The following CNTNAP2 variants were observed in gnomAD, a reference collection of about 807,000 sequenced individuals.
CNTNAP2 encodes the protein contactin associated protein 2.
A neutral mutation model predicts 155.2 loss-of-function variants in CNTNAP2; 98 were observed. That is an observed-to-expected ratio of 0.63 (90% CI 0.54 to 0.75). CNTNAP2 has a LOEUF of 0.75. CNTNAP2 is among the 30% of genes least tolerant of loss of function. The pLI is 0.00. For synonymous variants in CNTNAP2, 651 were observed against 631.2 expected (o/e 1.03, Z -0.47); for missense variants, 1,727 against 1,688.1 (o/e 1.02, Z -0.40).
At chr7:147,308,360 A>G (rs750553668) in intron 9 of CNTNAP2, among the ~76,000 whole-genome samples, 2 of 152,142 alleles carry the variant, frequency 1.3e-5, no homozygotes, top group Non-Finnish European at 2.9e-5. Flanking sequence ...TTTTGGTAAA[A>G]GGCTGTAGTT....
intron 1 of CNTNAP2, among the ~76,000 whole-genome samples, chr7:146,651,303 A>G (rs1022948148): frequency 6.6e-6 from 1 of 152,208 alleles, no homozygotes; most frequent in Admixed American, 6.5e-5. Flanking sequence ...GGAAAAACAT[A>G]GGATCATAAT....
chr7:146,999,787 C>A (rs145803782), intron 3 of CNTNAP2, among the ~76,000 whole-genome samples: 5 of 151,960 alleles, frequency 3.3e-5, no homozygotes, highest in African/African-American at 1.2e-4. Context: ...TTTGCTTCTT[C>A]GCTCCTGCTG....
Position 148,365,765 on chromosome 7 carries a change from C to T in CNTNAP2, c.3476-17884C>T, listed in dbSNP as rs1290703341. ...ATACATGTATACATGTATGTGTATA[C>T]GTGTATACATGTATGTGTATGCATG... On this transcript the variant is annotated intron_variant, in intron 21 of 23. Coordinates refer to ENST00000361727, the MANE Select transcript of CNTNAP2 (RefSeq NM_014141.6). Among the ~76,000 whole-genome samples, 16 of 94,678 alleles carry T rather than the reference C, an allele frequency of 1.7e-4. 6 individuals carry two copies. Among genetic ancestry groups the T allele is most frequent in the South Asian group, 5.5e-4 (2 of 3,646 alleles). 62.1% of individuals were successfully genotyped at this position (94,678 alleles called of 152,430 possible).
chr7:146,594,142 T>C (rs878992549), intron 1 of CNTNAP2, among the ~76,000 whole-genome samples: 1 of 152,214 alleles, frequency 6.6e-6, no homozygotes, highest in Non-Finnish European at 1.5e-5. Context: ...TTTTTGGCTG[T>C]AATTCCCCCT....
At chr7:147,842,046 A>G (rs1410697279) in intron 13 of CNTNAP2, among the ~76,000 whole-genome samples, 2 of 152,238 alleles carry the variant, frequency 1.3e-5, no homozygotes, top group Non-Finnish European at 2.9e-5. Context: ...ATTATCATTA[A>G]AAATAAATAC....
At chr7:148,130,517 T>C (rs1164421860) in intron 16 of CNTNAP2, among the ~76,000 whole-genome samples, 1 of 152,242 alleles carries the variant, frequency 6.6e-6, no homozygotes, top group African/African-American at 2.4e-5. Context: ...TCTACAGATC[T>C]GGTCCAGTTA....
intron 9 of CNTNAP2, among the ~76,000 whole-genome samples, chr7:147,324,117 A>G (rs1470418403): frequency 6.6e-6 from 1 of 152,182 alleles, no homozygotes; most frequent in Non-Finnish European, 1.5e-5. Flanking sequence ...TATCTTTGGA[A>G]TTAGGAAGCT....
intron 20 of CNTNAP2, among the ~76,000 whole-genome samples, chr7:148,257,228 G>C (rs1385416297): frequency 6.6e-6 from 1 of 152,102 alleles, no homozygotes; most frequent in African/African-American, 2.4e-5. Context: ...CTCCCAAAGA[G>C]GCAAAGGCTC....
chr7:146,166,335 T>C (rs1798312097), intron 1 of CNTNAP2, among the ~76,000 whole-genome samples: 1 of 152,118 alleles, frequency 6.6e-6, no homozygotes, highest in African/African-American at 2.4e-5. Context: ...TCAGGTGACC[T>C]GCCCATCTTG....
At chr7:148,250,297 G>A (rs1796340627) in intron 20 of CNTNAP2, among the ~76,000 whole-genome samples, 1 of 152,064 alleles carries the variant, frequency 6.6e-6, no homozygotes, top group South Asian at 2.1e-4. Flanking sequence ...CTAATTTGAG[G>A]GAAAAGACTT....
At chr7:147,913,114 A>G (rs1782519599) in intron 14 of CNTNAP2, among the ~76,000 whole-genome samples, 1 of 152,242 alleles carries the variant, frequency 6.6e-6, no homozygotes, top group South Asian at 2.1e-4. Context: ...CTATGATTTC[A>G]TGGGAGAAAA....
chr7:148,229,908 A>AAGTGTAGG (rs1202510647), intron 20 of CNTNAP2, 129 bp downstream of exon 20: 3 of 1,011,574 alleles, frequency 3.0e-6, no homozygotes, highest in Non-Finnish European at 4.4e-6. Flanking sequence ...TTTCTCCTAC[A>AAGTGTAGG]AGTGCATAAC....
At chr7:148,253,519 C>T (rs1796407266) in intron 20 of CNTNAP2, among the ~76,000 whole-genome samples, 3 of 152,230 alleles carry the variant, frequency 2.0e-5, no homozygotes, top group Admixed American at 2.0e-4. Flanking sequence ...CTGGGAACAT[C>T]TGCACGTCAT....
chr7:147,173,730 T>C (rs567863981), intron 8 of CNTNAP2, among the ~76,000 whole-genome samples: 1 of 152,256 alleles, frequency 6.6e-6, no homozygotes, highest in East Asian at 1.9e-4. Context: ...CTTCCGAATT[T>C]CATTCAGAGA....
intron 1 of CNTNAP2, among the ~76,000 whole-genome samples, chr7:146,350,471 A>G (rs1318501549): frequency 4.6e-5 from 7 of 152,102 alleles, no homozygotes; most frequent in Non-Finnish European, 7.3e-5. Context: ...AATCAAAACC[A>G]CAATGAGATA....
chr7:146,854,356 A>G (rs111878361), intron 3 of CNTNAP2, among the ~76,000 whole-genome samples: 6,071 of 152,312 alleles, frequency 0.04, 145 homozygotes, highest in African/African-American at 0.045. Flanking sequence ...ATCAAGCTGT[A>G]TGTTTATGTG....
chr7:146,474,983 C>CTGAGTA (rs1432675178), intron 1 of CNTNAP2, among the ~76,000 whole-genome samples: 1 of 149,584 alleles, frequency 6.7e-6, no homozygotes, highest in African/African-American at 2.5e-5. Flanking sequence ...AAACATATGC[C>CTGAGTA]TGAGCACGAG....
At chr7:148,374,827 A>G (rs1053772302) in intron 21 of CNTNAP2, among the ~76,000 whole-genome samples, 1 of 152,232 alleles carries the variant, frequency 6.6e-6, no homozygotes, top group African/African-American at 2.4e-5. Flanking sequence ...TAGCCAGGAC[A>G]TATAGCTTCA....
intron 1 of CNTNAP2, among the ~76,000 whole-genome samples, chr7:146,423,280 G>A (rs139913933): frequency 1.1e-3 from 161 of 152,032 alleles, no homozygotes; most frequent in Non-Finnish European, 2.1e-3. Flanking sequence ...TTACAGTAGC[G>A]ATCAATTCTA....
Sources: gnomAD v4.1 joint callset for allele counts (sites outside exome capture counted in the v4.1 genomes callset) on GRCh38, gnomAD v4.1.1 for gene constraint, MANE v1.5 for transcripts, NCBI Gene and HGNC (gene_info 2026-07-23, HGNC 2026-07-21) for gene names.